The following KHDRBS2 variants were observed in gnomAD, a reference collection of about 807,000 sequenced individuals.
KHDRBS2 encodes KH RNA binding domain containing, signal transduction associated 2.
Under a neutral mutation model 44.3 loss-of-function variants are expected in KHDRBS2, and 26 were observed. That is an observed-to-expected ratio of 0.59 (90% confidence interval 0.43 to 0.81). KHDRBS2 has a LOEUF of 0.81. KHDRBS2 is among the 40% of genes least tolerant of loss of function. The probability of loss-of-function intolerance (pLI) is 0.00; values close to 1 mark genes in which losing one functional copy is unlikely to be tolerated. For synonymous variants in KHDRBS2, 194 were observed against 151.1 expected, an observed-to-expected ratio of 1.28 and a Z score of -2.08; for missense variants, 476 against 433.1, an observed-to-expected ratio of 1.10 and a Z score of -0.88.
the KHDRBS2 span, among the ~76,000 whole-genome samples, chr6:61,674,860 G>A: frequency 0.034 from 5,140 of 151,576 alleles, 281 homozygotes; most frequent in African/African-American, 0.12. Flanking sequence ...TTACATGAAC[G>A]AAAATATAGA....
chr6:61,931,256 A>G (rs1809991205), intron 4 of KHDRBS2, among the ~76,000 whole-genome samples: 1 of 152,078 alleles, frequency 6.6e-6, no homozygotes, highest in East Asian at 1.9e-4. Flanking sequence ...ATTGATTTAG[A>G]GTATATGTTC....
chr6:62,098,040 C>T (rs1198652525), intron 2 of KHDRBS2, among the ~76,000 whole-genome samples: 1 of 152,022 alleles, frequency 6.6e-6, no homozygotes, highest in South Asian at 2.1e-4. Context: ...ATTCTATTCC[C>T]CCCACATTTG....
intron 4 of KHDRBS2, among the ~76,000 whole-genome samples, chr6:61,919,021 T>C (rs1807537845): frequency 6.6e-6 from 1 of 151,950 alleles, no homozygotes; most frequent in South Asian, 2.1e-4. Context: ...TAGAGTTAAA[T>C]AAAACTTGAC....
At chr6:61,625,195 T>G in the KHDRBS2 span, among the ~76,000 whole-genome samples, 4 of 151,694 alleles carry the variant, frequency 2.6e-5, no homozygotes, top group East Asian at 7.8e-4. Flanking sequence ...GGCTGACCTA[T>G]CAGGAATGAG....
intron 6 of KHDRBS2, among the ~76,000 whole-genome samples, chr6:61,826,558 T>C (rs1790894512): frequency 6.6e-6 from 1 of 152,044 alleles, no homozygotes; most frequent in South Asian, 2.1e-4. Context: ...CTAGTTGAAA[T>C]GGACCCTTTG....
intron 8 of KHDRBS2, among the ~76,000 whole-genome samples, chr6:61,691,972 A>G (rs1440216522): frequency 1.3e-5 from 2 of 152,152 alleles, no homozygotes; most frequent in Non-Finnish European, 2.9e-5. Flanking sequence ...CTAAAATGCC[A>G]CTAAAGAATG....
chr6:61,635,019 T>G, the KHDRBS2 span, among the ~76,000 whole-genome samples: 4,068 of 152,178 alleles, frequency 0.027, 177 homozygotes, highest in African/African-American at 0.093. Flanking sequence ...TAGTTTTCTT[T>G]TTTTAACAAA....
chr6:62,105,339 C>A (rs917090553), intron 2 of KHDRBS2, among the ~76,000 whole-genome samples: 1 of 152,150 alleles, frequency 6.6e-6, no homozygotes, highest in African/African-American at 2.4e-5. Context: ...CCCTTATGAA[C>A]ATAAATTCAA....
chr6:61,930,225 C>T (rs1210775326), intron 4 of KHDRBS2, among the ~76,000 whole-genome samples: 2 of 152,024 alleles, frequency 1.3e-5, no homozygotes, highest in African/African-American at 4.8e-5. Context: ...TATTAAACTC[C>T]CCAGGCTCCA....
chr6:62,155,129 C>T (rs1816072167), intron 2 of KHDRBS2, among the ~76,000 whole-genome samples: 1 of 151,888 alleles, frequency 6.6e-6, no homozygotes, highest in Non-Finnish European at 1.5e-5. Context: ...ACAGGGGTGG[C>T]AGTGGGGCTG....
chr6:61,775,379 C>T (rs558961031), intron 6 of KHDRBS2, among the ~76,000 whole-genome samples: 1 of 152,054 alleles, frequency 6.6e-6, no homozygotes, highest in African/African-American at 2.4e-5. Flanking sequence ...GATGATTGTA[C>T]ATCTAGAAAA....
intron 3 of KHDRBS2, among the ~76,000 whole-genome samples, chr6:62,039,474 A>C (rs1253758080): frequency 6.6e-6 from 1 of 151,914 alleles, no homozygotes; most frequent in African/African-American, 2.4e-5. Flanking sequence ...TAGTATACAA[A>C]TATATATTTC....
At chr6:62,048,793 A>G (rs150628146) in intron 2 of KHDRBS2, among the ~76,000 whole-genome samples, 4 of 151,948 alleles carry the variant, frequency 2.6e-5, no homozygotes, top group Non-Finnish European at 5.9e-5. Context: ...AAACCAAATG[A>G]CCGAGGTAAT....
At chr6:61,990,701 A>G (rs1444604059) in intron 3 of KHDRBS2, among the ~76,000 whole-genome samples, 1 of 146,262 alleles carries the variant, frequency 6.8e-6, no homozygotes, top group Non-Finnish European at 1.5e-5. Context: ...CTAGCATTGG[A>G]TAACCTTTTT....
At chr6:61,862,915 C>G (rs868305076) in intron 6 of KHDRBS2, among the ~76,000 whole-genome samples, 2 of 151,868 alleles carry the variant, frequency 1.3e-5, no homozygotes, top group African/African-American at 2.4e-5. Context: ...TTCTTTGTCC[C>G]TCTGGCAATA....
At chr6:62,126,887 T>C (rs1412765575) in intron 2 of KHDRBS2, among the ~76,000 whole-genome samples, 5 of 152,346 alleles carry the variant, frequency 3.3e-5, no homozygotes, top group East Asian at 3.9e-4. Context: ...TAACTTTATA[T>C]ATAGGTTTCC....
intron 2 of KHDRBS2, among the ~76,000 whole-genome samples, chr6:62,102,804 G>T (rs1225773684): frequency 6.6e-6 from 1 of 152,158 alleles, no homozygotes; most frequent in East Asian, 1.9e-4. Flanking sequence ...GTCACTGCTT[G>T]CAGCTCAGCC....
chr6:61,566,194 C>T, the KHDRBS2 span, among the ~76,000 whole-genome samples: 38 of 152,126 alleles, frequency 2.5e-4, no homozygotes, highest in Middle Eastern at 3.4e-3. Context: ...AACTTGATCT[C>T]ATGGAGGTGA....
At chr6:62,013,912 A>G (rs1285460830) in intron 3 of KHDRBS2, among the ~76,000 whole-genome samples, 1 of 152,186 alleles carries the variant, frequency 6.6e-6, no homozygotes, top group Non-Finnish European at 1.5e-5. Context: ...GGTGCTAGCA[A>G]CCACAGGAAG....
Sources: gnomAD v4.1 joint callset for allele counts (sites outside exome capture counted in the v4.1 genomes callset) on GRCh38, gnomAD v4.1.1 for gene constraint, MANE v1.5 for transcripts, NCBI Gene and HGNC (gene_info 2026-07-23, HGNC 2026-07-21) for gene names.